Variants in EPHB1 observed in about 807,000 individuals in gnomAD.
The protein encoded by EPHB1 is EPH receptor B1.
A neutral mutation model predicts 94.4 loss-of-function variants in EPHB1; 30 were observed. The observed-to-expected ratio is 0.32, with a 90% CI of 0.24 to 0.43. The LOEUF (loss-of-function observed/expected upper bound fraction) is 0.43. Ranked by LOEUF, EPHB1 falls within the 20% of genes least tolerant of loss-of-function variation. EPHB1 has a pLI of 1.00. For synonymous variants in EPHB1, 522 were observed against 489.1 expected, an observed-to-expected ratio of 1.07 and a Z score of -0.89; for missense variants, 1,055 against 1,308.3, an observed-to-expected ratio of 0.81 and a Z score of 2.99.
chr3:134,926,477 A>C (rs1027110800), intron 2 of EPHB1, among the ~76,000 whole-genome samples: 1 of 152,230 alleles, frequency 6.6e-6, no homozygotes, highest in Admixed American at 6.5e-5. Context: ...AGGTGTGAGC[A>C]AGCTGGGTTT....
At chr3:135,149,426 C>A (rs142113261) in intron 5 of EPHB1, among the ~76,000 whole-genome samples, 1 of 152,322 alleles carries the variant, frequency 6.6e-6, no homozygotes, top group East Asian at 1.9e-4. Context: ...GGGGATACTT[C>A]TTTGAATTAA....
At chr3:134,974,239 C>T (rs569061314) in intron 3 of EPHB1, among the ~76,000 whole-genome samples, 53 of 149,510 alleles carry the variant, frequency 3.5e-4, no homozygotes, top group African/African-American at 1.0e-3. Context: ...CACACACATG[C>T]GCACAAACAC....
chr3:135,121,817 T>C (rs1224239377), intron 4 of EPHB1, among the ~76,000 whole-genome samples: 1 of 152,104 alleles, frequency 6.6e-6, no homozygotes, highest in African/African-American at 2.4e-5. Flanking sequence ...TTTTTTTTTT[T>C]TAATTGTACA....
At chr3:135,114,428 A>C (rs1363286025) in intron 4 of EPHB1, among the ~76,000 whole-genome samples, 2 of 150,350 alleles carry the variant, frequency 1.3e-5, no homozygotes, top group South Asian at 4.2e-4. Context: ...TAGGTTGGGC[A>C]CAGTGGCTCA....
intron 3 of EPHB1, among the ~76,000 whole-genome samples, chr3:134,963,325 T>C (rs748897666): frequency 6.6e-6 from 1 of 152,166 alleles, no homozygotes. Context: ...ATAAAGATAA[T>C]AGGCAAACAG....
At chr3:135,182,329 A>G (rs1942176974) in intron 10 of EPHB1, among the ~76,000 whole-genome samples, 1 of 152,216 alleles carries the variant, frequency 6.6e-6, no homozygotes, top group Non-Finnish European at 1.5e-5. Flanking sequence ...GGGTTGCAAC[A>G]TGGCAACAAA....
intron 1 of EPHB1, among the ~76,000 whole-genome samples, chr3:134,869,408 C>T (rs1362621806): frequency 6.6e-6 from 1 of 152,168 alleles, no homozygotes; most frequent in African/African-American, 2.4e-5. Flanking sequence ...GGGACTACAC[C>T]TTCCGGGGGA....
chr3:135,074,374 G>A (rs1233845533), intron 3 of EPHB1, among the ~76,000 whole-genome samples: 1 of 152,120 alleles, frequency 6.6e-6, no homozygotes, highest in Non-Finnish European at 1.5e-5. Context: ...TTGTCTCTAG[G>A]CTTTCAGGTT....
chr3:134,886,178 G>C (rs2037857721), intron 1 of EPHB1, among the ~76,000 whole-genome samples: 1 of 152,182 alleles, frequency 6.6e-6, no homozygotes, highest in Non-Finnish European at 1.5e-5. Context: ...CCACAAGTGT[G>C]ACAGTAGCAA....
At chr3:134,798,349 AG>A (rs1335160718) in intron 1 of EPHB1, among the ~76,000 whole-genome samples, 1 of 151,982 alleles carries the variant, frequency 6.6e-6, no homozygotes, top group Non-Finnish European at 1.5e-5. Flanking sequence ...GAGGGAGGAC[AG>A]GGTCTGGTTG....
At chr3:135,061,961 T>C (rs571508148) in intron 3 of EPHB1, among the ~76,000 whole-genome samples, 25 of 152,318 alleles carry the variant, frequency 1.6e-4, no homozygotes, top group African/African-American at 5.8e-4. Context: ...TATTCCATGG[T>C]GTGTATGTGC....
At chr3:135,148,269 C>T (rs966346646) in intron 5 of EPHB1, among the ~76,000 whole-genome samples, 28 of 152,136 alleles carry the variant, frequency 1.8e-4, no homozygotes, top group African/African-American at 6.8e-4. Flanking sequence ...TAAGAAGAAA[C>T]CTTTGAAGAT....
chr3:135,252,411 T>G (rs1933163949), intron 15 of EPHB1, among the ~76,000 whole-genome samples: 1 of 127,904 alleles, frequency 7.8e-6, no homozygotes, highest in Admixed American at 9.3e-5. Context: ...TTCCCCTTCC[T>G]GTGTCCATGT....
intron 3 of EPHB1, among the ~76,000 whole-genome samples, chr3:135,072,023 T>G (rs1297767364): frequency 6.6e-6 from 1 of 152,136 alleles, no homozygotes; most frequent in South Asian, 2.1e-4. Flanking sequence ...CCAGCTGCCA[T>G]GTCTGTTCTT....
At chr3:135,057,190 G>T (rs1937373991) in intron 3 of EPHB1, among the ~76,000 whole-genome samples, 1 of 152,292 alleles carries the variant, frequency 6.6e-6, no homozygotes, top group South Asian at 2.1e-4. Context: ...CAGATGCCAT[G>T]TTCAGCCCAG....
chr3:135,146,793 C>G (rs1941025211), intron 5 of EPHB1, among the ~76,000 whole-genome samples: 1 of 152,226 alleles, frequency 6.6e-6, no homozygotes, highest in Admixed American at 6.5e-5. Flanking sequence ...GTCTCTGGAT[C>G]CCACTTTTTA....
chr3:134,868,233 A>G lies in EPHB1; in HGVS notation c.59-57583A>G, dbSNP rs114171820. 2.6e-3 allele frequency among the ~76,000 whole-genome samples: 392 copies of G among 152,360 alleles called. 1 individual carries two copies. The highest frequency in any genetic ancestry group is 9.0e-3 in the African/African-American group (376 of 41,582). On this transcript the variant is annotated intron_variant, in intron 1 of 15. Coordinates refer to ENST00000398015, the MANE Select transcript of EPHB1 (RefSeq NM_004441.5). ...TCAAAGAGTTATATTTTAACTTAAA[A>G]TGCATAACTGAGAGGAGGCTCTTAC...
intron 1 of EPHB1, among the ~76,000 whole-genome samples, chr3:134,804,820 TGTG>T (rs1445084853): frequency 1.3e-5 from 2 of 152,104 alleles, no homozygotes; most frequent in African/African-American, 4.8e-5. Flanking sequence ...TGGAAGAACA[TGTG>T]GGGGGATGTT....
chr3:135,241,838 A>G (rs947293314), intron 13 of EPHB1, among the ~76,000 whole-genome samples: 11 of 152,158 alleles, frequency 7.2e-5, no homozygotes, highest in Non-Finnish European at 4.4e-5. Context: ...CTCTTCTATG[A>G]TCCCATATCA....
Sources: gnomAD v4.1 joint callset for allele counts (sites outside exome capture counted in the v4.1 genomes callset) on GRCh38, gnomAD v4.1.1 for gene constraint, MANE v1.5 for transcripts, NCBI Gene and HGNC (gene_info 2026-07-23, HGNC 2026-07-21) for gene names.